The following RIN3 variants were observed in gnomAD, a reference collection of about 807,000 sequenced individuals.
RIN3 encodes Ras and Rab interactor 3.
Under a neutral mutation model 76.3 loss-of-function variants are expected in RIN3, and 54 were observed. That is an observed-to-expected ratio of 0.71 (90% CI 0.57 to 0.89). The LOEUF (loss-of-function observed/expected upper bound fraction) is 0.89, where lower values mean the gene tolerates loss of function less well. RIN3 is among the 40% of genes least tolerant of loss of function. RIN3 has a pLI of 0.00. For synonymous variants in RIN3, 576 were observed against 564.0 expected (o/e 1.02, Z -0.30); for missense variants, 1,256 against 1,322.1 (o/e 0.95, Z 0.78).
At chr14:92,543,109 T>C (rs1468236718) in intron 1 of RIN3, among the ~76,000 whole-genome samples, 4 of 152,218 alleles carry the variant, frequency 2.6e-5, no homozygotes, top group Admixed American at 2.0e-4. Context: ...CTGGAAATTC[T>C]TGGAGACACC....
rs761363234 is a variant in RIN3 at position 92,652,991 on chromosome 14, A to G, written c.1942A>G (p.Met648Val). The G allele has an allele frequency of 2.9e-5, 47 of 1,613,132 alleles. No homozygotes were observed. In the South Asian group the frequency reaches 5.2e-4, roughly 18 times the overall value. The change falls in exon 6 of 10, where the codon ATG becomes GTG. Residue 648 changes from methionine (M) to valine (V), a missense_variant. Met to Val is a conservative substitution (Grantham distance 21). Around this residue, in one of 3 missense-constraint regions of RIN3, gnomAD observed 428 missense variants for 521.2 expected, o/e 0.82. Transcript: ENST00000216487. The surrounding 1 kb of genome is among the most constrained non-coding windows in gnomAD (Gnocchi z 6.4). ...GATGCTGCAGGAGATTCGCACCATGATGACCCAGCTCAAGAGCTACCTGCT... is the reference window on the plus strand; with the variant it reads ...GATGCTGCAGGAGATTCGCACCATGGTGACCCAGCTCAAGAGCTACCTGCT... ...TEMLQEIRTMMTQLKSYLLQS... is the reference protein window; with the variant it reads ...TEMLQEIRTMVTQLKSYLLQS...
intron 1 of RIN3, among the ~76,000 whole-genome samples, chr14:92,551,948 T>C (rs1044364603): frequency 1.3e-5 from 2 of 152,204 alleles, no homozygotes; most frequent in Non-Finnish European, 2.9e-5. Flanking sequence ...TGCCTGCCAG[T>C]TGGAAATAAT....
At chr14:92,549,458 G>T (rs549967944) in intron 1 of RIN3, among the ~76,000 whole-genome samples, 1 of 152,328 alleles carries the variant, frequency 6.6e-6, no homozygotes, top group African/African-American at 2.4e-5. Context: ...CATCTAGCCA[G>T]GGCCACACAC....
chr14:92,684,168 T>C (rs1888762138), intron 8 of RIN3, among the ~76,000 whole-genome samples: 1 of 151,972 alleles, frequency 6.6e-6, no homozygotes, highest in Admixed American at 6.6e-5. Flanking sequence ...TCACCTGAGG[T>C]CAGGCATTCA....
At chr14:92,641,600 G>C (rs1157896250) in intron 5 of RIN3, among the ~76,000 whole-genome samples, 4 of 152,220 alleles carry the variant, frequency 2.6e-5, no homozygotes, top group Admixed American at 2.6e-4. Context: ...AGGCTGGTGT[G>C]GTCCTGGGAG....
chr14:92,516,425 T>C (rs1166741074), intron 1 of RIN3, among the ~76,000 whole-genome samples: 1 of 152,120 alleles, frequency 6.6e-6, no homozygotes, highest in Non-Finnish European at 1.5e-5. Flanking sequence ...GCAGGGCCAG[T>C]GATGGATTCA....
chr14:92,621,250 AAAAAAG>A (rs1162271774), intron 4 of RIN3, among the ~76,000 whole-genome samples: 6 of 151,258 alleles, frequency 4.0e-5, no homozygotes, highest in African/African-American at 1.5e-4. Flanking sequence ...AAAAAAAAAA[AAAAAAG>A]AATTACCAAA....
At chr14:92,632,364 C>T (rs1412796202) in intron 4 of RIN3, among the ~76,000 whole-genome samples, 3 of 152,138 alleles carry the variant, frequency 2.0e-5, no homozygotes, top group Non-Finnish European at 2.9e-5. Context: ...GCCCACAGAG[C>T]TCCCTCTAAC....
rs576683908 is a variant in RIN3, at chr14:92,537,634, C to CTTTT, written c.45-18093_45-18090dup. On this transcript the variant is annotated intron_variant, in intron 1 of 9. Transcript: ENST00000216487. ...CAGCTATAAGTGAGTGCCTTAGGGA[C>CTTTT]TTTTTTTTTTTTTTTTTTTTTTTTT... Among the ~76,000 whole-genome samples, 17 of 51,638 alleles carry CTTTT rather than the reference C, an allele frequency of 3.3e-4. 3 individuals carry two copies. In the South Asian group the frequency reaches 7.7e-3, roughly 23 times the overall value. 33.9% of individuals were successfully genotyped at this position (51,638 alleles called of 152,430 possible). A position where few individuals can be genotyped will look rare whatever the true frequency, so the allele number is the denominator to read the frequency against.
chr14:92,526,079 G>T (rs1294134394), intron 1 of RIN3, among the ~76,000 whole-genome samples: 1 of 152,172 alleles, frequency 6.6e-6, no homozygotes, highest in Non-Finnish European at 1.5e-5. Context: ...ACGGACAGGA[G>T]AGGTGACCAG....
intron 2 of RIN3, among the ~76,000 whole-genome samples, chr14:92,560,335 T>G (rs1897728138): frequency 6.6e-6 from 1 of 152,174 alleles, no homozygotes; most frequent in African/African-American, 2.4e-5. Context: ...GGGCCAGCCC[T>G]GAGAACAACA....
At chr14:92,673,133 GA>G (rs912494229) in intron 7 of RIN3, among the ~76,000 whole-genome samples, 15 of 146,834 alleles carry the variant, frequency 1.0e-4, no homozygotes, top group South Asian at 4.3e-4. Flanking sequence ...ATACAAAAAG[GA>G]AAAAAAAAAT....
At chr14:92,620,645 G>GTATTCT (rs1566871792) in intron 4 of RIN3, among the ~76,000 whole-genome samples, 1 of 152,134 alleles carries the variant, frequency 6.6e-6, no homozygotes, top group Non-Finnish European at 1.5e-5. Context: ...CACAAGCAAA[G>GTATTCT]CCAGAGGAGA....
intron 4 of RIN3, among the ~76,000 whole-genome samples, chr14:92,629,117 AAGAGAGAGAGAGAGAGAGAG>A (rs58288914): frequency 2.8e-5 from 4 of 145,266 alleles, no homozygotes; most frequent in South Asian, 2.3e-4. Flanking sequence ...CGGAAAGGAA[AAGAGAGAGAGAGAGAGAGAG>A]AGAGAGAGAG....
rs1566836649 is a variant in RIN3 at position 92,547,100 on chromosome 14, T to TATCTTTATTTTATTATTATTATA, written c.45-8650_45-8649insTCTTTATTTTATTATTATTATAA. On this transcript the variant is annotated intron_variant, in intron 1 of 9. Transcript: ENST00000216487. ...ATATTATATTATATTATATTATAAT[T>TATCTTTATTTTATTATTATTATA]AAATAAATTATCTTTATTTTATTAT... Among the ~76,000 whole-genome samples, 337 of 70,358 alleles carry TATCTTTATTTTATTATTATTATA rather than the reference T, an allele frequency of 4.8e-3. 89 individuals are homozygous for TATCTTTATTTTATTATTATTATA. The highest frequency in any genetic ancestry group is 0.022 in the East Asian group (72 of 3,218). 46.2% of individuals were successfully genotyped at this position (70,358 alleles called of 152,430 possible).
intron 1 of RIN3, among the ~76,000 whole-genome samples, chr14:92,537,668 A>G: frequency 1.1e-5 from 1 of 93,636 alleles, no homozygotes; most frequent in Non-Finnish European, 2.1e-5. Context: ...TTTTGGAGAC[A>G]GAGTCTTGCT....
intron 1 of RIN3, among the ~76,000 whole-genome samples, chr14:92,519,421 G>A (rs975915075): frequency 1.3e-5 from 2 of 152,238 alleles, no homozygotes; most frequent in African/African-American, 2.4e-5. Context: ...CAGGCGGGGA[G>A]CCCTGGTGTG....
rs139103248 is a variant in RIN3 at position 92,652,124 on chromosome 14, A to G, written c.1075A>G (p.Met359Val). Reference sequence around the variant, plus strand: ...CCTGGGCCCCCTCAGGGAGGAAGCGATGAAGCCAGGGGCAGCCTCCAGTCC... The same window carrying G: ...CCTGGGCCCCCTCAGGGAGGAAGCGGTGAAGCCAGGGGCAGCCTCCAGTCC... ...AGLGPLREEA[M>V]KPGAASSPLQ... Residue 359 changes from methionine (M) to valine (V), a missense_variant, in exon 6 of 10, where the codon ATG becomes GTG. By Grantham distance (21) the Met-to-Val change is conservative. Transcript: ENST00000216487. The surrounding 1 kb of genome is among the most constrained non-coding windows in gnomAD (Gnocchi z 6.4). 909 of 1,608,444 alleles carry G rather than the reference A, an allele frequency of 5.7e-4. 2 individuals are homozygous for G. The highest frequency in any genetic ancestry group is 4.2e-3 in the Admixed American group (254 of 59,888).
intron 4 of RIN3, among the ~76,000 whole-genome samples, chr14:92,639,173 AC>A (rs1886889853): frequency 6.6e-6 from 1 of 152,212 alleles, no homozygotes; most frequent in African/African-American, 2.4e-5. Flanking sequence ...TTCCAGGAGC[AC>A]CCAGGGCTCC....
Sources: gnomAD v4.1 joint callset for allele counts (sites outside exome capture counted in the v4.1 genomes callset) on GRCh38, gnomAD v4.1.1 for gene constraint, gnomAD v4.1.1 regional missense constraint, Gnocchi (gnomAD v3.1) non-coding constraint, MANE v1.5 for transcripts, NCBI Gene and HGNC (gene_info 2026-07-23, HGNC 2026-07-21) for gene names.